Variants in GDA observed in about 807,000 individuals in gnomAD.
The protein encoded by GDA is guanine deaminase, also known as cytoplasmic PSD-95 interactor.
GDA carries 18 observed loss-of-function variants against 59.6 expected under a neutral mutation model. The observed-to-expected ratio is 0.30, with a 90% CI of 0.21 to 0.45. The LOEUF is 0.45. Among genes scored for constraint, GDA ranks in the 20% least tolerant of loss-of-function variants. GDA has a pLI of 1.00. For missense variants in GDA, 427 were observed against 552.3 expected, an observed-to-expected ratio of 0.77 and a Z score of 2.27; for synonymous variants, 201 against 201.1, an observed-to-expected ratio of 1.00 and a Z score of 0.00.
At chr9:72,215,152 A>G (rs1029139135) in intron 5 of GDA, among the ~76,000 whole-genome samples, 1 of 152,220 alleles carries the variant, frequency 6.6e-6, no homozygotes, top group African/African-American at 2.4e-5. Flanking sequence ...TTAATTTAAA[A>G]ATGATGATGG....
chr9:72,122,044 A>C (rs984922133), intron 1 of GDA, among the ~76,000 whole-genome samples: 3 of 152,106 alleles, frequency 2.0e-5, no homozygotes, highest in Non-Finnish European at 2.9e-5. Context: ...GATAGATCAG[A>C]CCTGCCTTAG....
intron 1 of GDA, among the ~76,000 whole-genome samples, chr9:72,122,876 C>A (rs1825712052): frequency 1.3e-5 from 2 of 152,272 alleles, no homozygotes; most frequent in South Asian, 4.1e-4. Flanking sequence ...CTCTGCCCAG[C>A]AGGTGGGAGT....
chr9:72,177,859 G>A (rs1830720060), intron 1 of GDA, among the ~76,000 whole-genome samples: 1 of 152,186 alleles, frequency 6.6e-6, no homozygotes, highest in South Asian at 2.1e-4. Context: ...TCTTTGCTAA[G>A]TTCCTCTGGC....
At chr9:72,178,861 C>T (rs902039636) in intron 1 of GDA, among the ~76,000 whole-genome samples, 15 of 152,072 alleles carry the variant, frequency 9.9e-5, no homozygotes, top group Non-Finnish European at 1.6e-4. Flanking sequence ...TTCCATTTAG[C>T]TTGTGGCTGT....
At chr9:72,156,134 C>T (rs78477479) in intron 1 of GDA, among the ~76,000 whole-genome samples, 146 of 152,176 alleles carry the variant, frequency 9.6e-4, no homozygotes, top group Middle Eastern at 3.4e-3. Flanking sequence ...CAAGAGTGAT[C>T]GCAAAATGTA....
At chr9:72,153,904 G>A (rs1171438879) in intron 1 of GDA, among the ~76,000 whole-genome samples, 2 of 150,866 alleles carry the variant, frequency 1.3e-5, no homozygotes, top group African/African-American at 2.4e-5. Context: ...CATGGCACAT[G>A]TATACATATG....
chr9:72,149,432 G>A, upstream of GDA: 3 of 1,135,080 alleles, frequency 2.6e-6, no homozygotes, highest in South Asian at 3.2e-5. Flanking sequence ...GCCCGGGTAA[G>A]CGGGGGCAGG....
intron 1 of GDA, among the ~76,000 whole-genome samples, chr9:72,178,828 G>A (rs7038786): frequency 0.2 from 30,014 of 152,134 alleles, 3,566 homozygotes; most frequent in African/African-American, 0.34. Context: ...TGTGTAAAAT[G>A]TAAGTGTAGG....
chr9:72,205,878 C>T (rs1834629256), intron 3 of GDA, among the ~76,000 whole-genome samples: 1 of 152,166 alleles, frequency 6.6e-6, no homozygotes, highest in Admixed American at 6.5e-5. Context: ...CCCATATAAG[C>T]CCTGTACCTC....
intron 1 of GDA, among the ~76,000 whole-genome samples, chr9:72,128,893 T>A (rs1481959553): frequency 6.6e-6 from 1 of 152,028 alleles, no homozygotes; most frequent in Admixed American, 6.6e-5. Context: ...TGGAGTTTTT[T>A]TTTTAGGGTG....
chr9:72,219,911 A>G (rs1211807120), intron 6 of GDA, among the ~76,000 whole-genome samples: 3 of 152,190 alleles, frequency 2.0e-5, no homozygotes, highest in African/African-American at 7.2e-5. Context: ...TAAGCCAGCA[A>G]TCCCACTTTT....
intron 1 of GDA, among the ~76,000 whole-genome samples, chr9:72,160,241 G>A (rs1226649394): frequency 2.6e-5 from 4 of 152,090 alleles, no homozygotes; most frequent in African/African-American, 9.7e-5. Flanking sequence ...CCCGGGAGGC[G>A]GAGCTTGCAG....
At chr9:72,137,220 A>AT (rs56086117) in intron 1 of GDA, among the ~76,000 whole-genome samples, 82,077 of 136,128 alleles carry the variant, frequency 0.6, 27,007 homozygotes, top group South Asian at 0.74. Context: ...AAAAAAAAAA[A>AT]TTAGGATCCT....
intron 7 of GDA, among the ~76,000 whole-genome samples, chr9:72,224,348 A>G (rs1027013775): frequency 6.6e-6 from 1 of 152,198 alleles, no homozygotes; most frequent in Non-Finnish European, 1.5e-5. Context: ...CCTCAAGGCC[A>G]GGGATGGAGT....
At chr9:72,258,759 A>G (rs1840911352), downstream of GDA, among the ~76,000 whole-genome samples, 1 of 152,178 alleles carries the variant, frequency 6.6e-6, no homozygotes, top group East Asian at 1.9e-4. Flanking sequence ...GGTGGGATCA[A>G]ACTTTCCCTG....
intron 5 of GDA, among the ~76,000 whole-genome samples, chr9:72,214,530 G>A (rs1048976529): frequency 1.3e-5 from 2 of 151,110 alleles, no homozygotes; most frequent in Admixed American, 6.6e-5. Context: ...TCCTGACCTC[G>A]TGATCTGCCC....
At chr9:72,173,591 A>C (rs1830231596) in intron 1 of GDA, among the ~76,000 whole-genome samples, 1 of 151,876 alleles carries the variant, frequency 6.6e-6, no homozygotes, top group Non-Finnish European at 1.5e-5. Flanking sequence ...TCAGCCTCCC[A>C]AAGTGCTAGG....
intron 1 of GDA, among the ~76,000 whole-genome samples, chr9:72,138,335 A>G (rs1826319013): frequency 6.6e-6 from 1 of 152,176 alleles, no homozygotes; most frequent in South Asian, 2.1e-4. Flanking sequence ...ATGAGGCTAG[A>G]AAGGGAGCTG....
At chr9:72,255,889 A>C (rs1426496747), downstream of GDA, among the ~76,000 whole-genome samples, 1 of 152,124 alleles carries the variant, frequency 6.6e-6, no homozygotes, top group African/African-American at 2.4e-5. Context: ...TATGGGGGAA[A>C]CTCATGATGA....
Sources: gnomAD v4.1 joint callset for allele counts (sites outside exome capture counted in the v4.1 genomes callset) on GRCh38, gnomAD v4.1.1 for gene constraint, MANE v1.5 for transcripts, NCBI Gene and HGNC (gene_info 2026-07-23, HGNC 2026-07-21) for gene names.